The following MCMDC2 variants were observed in gnomAD, a reference collection of about 807,000 sequenced individuals.
MCMDC2 encodes minichromosome maintenance domain containing 2, also known as minichromosome maintenance domain-containing protein 2.
MCMDC2 carries 54 observed loss-of-function variants against 75.8 expected under a neutral mutation model. The observed-to-expected ratio is 0.71, with a 90% CI of 0.57 to 0.89. The LOEUF is 0.89. Ranked by LOEUF, MCMDC2 falls within the 40% of genes least tolerant of loss-of-function variation. MCMDC2 has a pLI of 0.00. For synonymous variants in MCMDC2, 249 were observed against 274.6 expected (o/e 0.91, Z 0.92); for missense variants, 656 against 780.4 (o/e 0.84, Z 1.90).
At chr8:66,905,013 T>A (rs150933026) in intron 13 of MCMDC2, among the ~76,000 whole-genome samples, 1 of 152,232 alleles carries the variant, frequency 6.6e-6, no homozygotes, top group East Asian at 1.9e-4. Flanking sequence ...AAAGCCAGGA[T>A]GGAAACCAAA....
downstream of MCMDC2, among the ~76,000 whole-genome samples, chr8:66,925,123 C>G (rs573069635): frequency 7.9e-5 from 12 of 152,348 alleles, no homozygotes; most frequent in African/African-American, 2.9e-4. Flanking sequence ...CGAAGCCTCC[C>G]GACGGTCCCT....
At chr8:66,912,690 A>G (rs889993811) in intron 14 of MCMDC2, among the ~76,000 whole-genome samples, 1 of 152,198 alleles carries the variant, frequency 6.6e-6, no homozygotes, top group Non-Finnish European at 1.5e-5. Flanking sequence ...CAAGAACAGA[A>G]AACCAAACAC....
rs1412456035 is a variant in MCMDC2 at position 66,890,802 on chromosome 8, T to G, written c.1074-63T>G. On this transcript the variant is annotated intron_variant, in intron 9 of 14. Transcript: ENST00000422365. Reference sequence around the variant, plus strand: ...CAGTAAACACAGAATAAAATTAAATTTAATACATTGTGACTTTTGAAAATT... The same window carrying G: ...CAGTAAACACAGAATAAAATTAAATGTAATACATTGTGACTTTTGAAAATT... 8.8e-6 allele frequency: 12 copies of G among 1,370,346 alleles called. No individual in the cohort carries two copies. In the African/African-American group the frequency reaches 1.6e-4, roughly 19 times the overall value. The allele number at this position is 1,370,346 out of a possible 1,614,324, so 84.9% of individuals were successfully genotyped here.
intron 13 of MCMDC2, among the ~76,000 whole-genome samples, chr8:66,902,180 C>A (rs1048829108): frequency 6.6e-6 from 1 of 151,362 alleles, no homozygotes; most frequent in Non-Finnish European, 1.5e-5. Context: ...AACAAACAAA[C>A]AAACAAACAG....
intron 10 of MCMDC2, among the ~76,000 whole-genome samples, chr8:66,892,981 G>A (rs1020813327): frequency 6.6e-6 from 1 of 152,090 alleles, no homozygotes; most frequent in Non-Finnish European, 1.5e-5. Flanking sequence ...TTTTTGTTGA[G>A]GATTTTTTAA....
chr8:66,918,233 T>G (rs1813393279), intron 14 of MCMDC2, among the ~76,000 whole-genome samples: 1 of 152,112 alleles, frequency 6.6e-6, no homozygotes, highest in African/African-American at 2.4e-5. Context: ...CGCCTATTTT[T>G]TAATGATTAT....
At chr8:66,899,042 G>A (rs906122915) in intron 12 of MCMDC2, among the ~76,000 whole-genome samples, 2 of 152,240 alleles carry the variant, frequency 1.3e-5, no homozygotes, top group African/African-American at 4.8e-5. Flanking sequence ...ATAGTAAAAA[G>A]TGAAATAGTA....
At chr8:66,891,458 T>C (rs1227700980) in intron 10 of MCMDC2, among the ~76,000 whole-genome samples, 1 of 152,262 alleles carries the variant, frequency 6.6e-6, no homozygotes, top group African/African-American at 2.4e-5. Context: ...ACATTTTTTG[T>C]AGACATTCTT....
intron 9 of MCMDC2, among the ~76,000 whole-genome samples, chr8:66,890,043 A>T (rs1366603419): frequency 1.2e-4 from 19 of 152,162 alleles, no homozygotes; most frequent in Admixed American, 1.2e-3. Flanking sequence ...TTCCAGGAAG[A>T]AATAATACAC....
intron 14 of MCMDC2, among the ~76,000 whole-genome samples, chr8:66,912,694 C>G (rs933843578): frequency 6.6e-6 from 1 of 152,102 alleles, no homozygotes; most frequent in African/African-American, 2.4e-5. Context: ...AACAGAAAAC[C>G]AAACACCACA....
chr8:66,900,400 T>C (rs773641093), intron 12 of MCMDC2, among the ~76,000 whole-genome samples: 1 of 152,016 alleles, frequency 6.6e-6, no homozygotes, highest in Non-Finnish European at 1.5e-5. Flanking sequence ...TTTGCGCTAT[T>C]GCACTCCAGT....
In MCMDC2 at chr8:66,870,821, TG is replaced by T. The variant is rs754729270; in HGVS notation, c.-96del. 6.6e-6 allele frequency: 1 copy of T among 152,188 alleles called. No homozygotes were observed. Among genetic ancestry groups the T allele is most frequent in the East Asian group, 1.9e-4 (1 of 5,188 alleles). The allele number at this position is 152,188 out of a possible 1,614,324, so 9.4% of individuals were successfully genotyped here. On this transcript the variant is annotated 5_prime_UTR_variant, in exon 1 of 15. Coordinates refer to ENST00000422365, the MANE Select transcript of MCMDC2 (RefSeq NM_173518.5). ...GGCGGAGAGCAACCGCCAAGCTTGG[TG>T]GGAGTCAAGGTGAGTGCAAAGCACT...
chr8:66,878,503 A>G, intron 5 of MCMDC2, 71 bp from the exon 6 acceptor site: 1 of 1,424,748 alleles, frequency 7.0e-7, no homozygotes, highest in South Asian at 1.4e-5. Context: ...TTAAAAAATG[A>G]CAACAACAAA....
At chr8:66,872,957 CAAAAAAAAAAAA>C (rs749748721) in intron 1 of MCMDC2, among the ~76,000 whole-genome samples, 1 of 40,136 alleles carries the variant, frequency 2.5e-5, no homozygotes, top group African/African-American at 9.0e-5. Context: ...GACTCCATCT[CAAAAAAAAAAAA>C]AAAAAAAAAA....
chr8:66,891,147 G>C (rs1812089836), intron 10 of MCMDC2, 77 bp downstream of exon 10: 1 of 1,248,424 alleles, frequency 8.0e-7, no homozygotes, highest in African/African-American at 1.6e-5. Flanking sequence ...TAACAGTTAA[G>C]ATAGTATTGC....
At chr8:66,923,803 G>A (rs950487856), downstream of MCMDC2, among the ~76,000 whole-genome samples, 2 of 152,042 alleles carry the variant, frequency 1.3e-5, no homozygotes, top group Admixed American at 6.5e-5. Flanking sequence ...AAGGAGAATC[G>A]CTTGAACCTG....
chr8:66,924,376 C>G (rs1813655749), downstream of MCMDC2, among the ~76,000 whole-genome samples: 1 of 151,924 alleles, frequency 6.6e-6, no homozygotes, highest in Non-Finnish European at 1.5e-5. Context: ...CCTATAATCC[C>G]AGCACTTTGA....
At chr8:66,871,390 A>G (rs938396100) in intron 1 of MCMDC2, 16 of 152,138 alleles carry the variant, frequency 1.1e-4, no homozygotes, top group African/African-American at 3.4e-4. Context: ...CCATACCCAT[A>G]TTAAAACCCC....
At chr8:66,890,615 G>A (rs1004946104) in intron 9 of MCMDC2, among the ~76,000 whole-genome samples, 5 of 152,040 alleles carry the variant, frequency 3.3e-5, no homozygotes, top group African/African-American at 9.7e-5. Flanking sequence ...CTGCCTTCCA[G>A]GTTCAAATGA....
Sources: gnomAD v4.1 joint callset for allele counts (sites outside exome capture counted in the v4.1 genomes callset) on GRCh38, gnomAD v4.1.1 for gene constraint, MANE v1.5 for transcripts, NCBI Gene and HGNC (gene_info 2026-07-23, HGNC 2026-07-21) for gene names.